Variants in FBN3 observed in about 807,000 individuals in gnomAD.
FBN3 encodes fibrillin 3, also known as fibrillin-3.
In FBN3, 234 loss-of-function variants were observed where a neutral mutation model predicts 330.1. That is an observed-to-expected ratio of 0.71 (90% CI 0.64 to 0.79). The LOEUF (loss-of-function observed/expected upper bound fraction) is 0.79, where lower values mean the gene tolerates loss of function less well. FBN3 is among the 30% of genes least tolerant of loss of function. The pLI is 0.00. For synonymous variants in FBN3, 1,458 were observed against 1,517.3 expected (o/e 0.96, Z 0.91); for missense variants, 3,606 against 3,886.9 (o/e 0.93, Z 1.92).
At chr19:8,132,098 T>C (rs547956020) in intron 14 of FBN3, among the ~76,000 whole-genome samples, 4 of 152,130 alleles carry the variant, frequency 2.6e-5, no homozygotes, top group Non-Finnish European at 5.9e-5. Context: ...CAGACTGGAG[T>C]GCAGTGGCGT....
Position 8,073,168 on chromosome 19 carries a change from A to C in FBN3, c.7832T>G (p.Val2611Gly), listed in dbSNP as rs1599261290. Residue 2611 changes from valine to glycine, a missense_variant, in exon 62 of 64, where the codon GTG becomes GGG. Coordinates refer to ENST00000600128, the MANE Select transcript of FBN3 (RefSeq NM_032447.5). Reference sequence around the variant, plus strand: ...GCCACGCCGTCCGGCGCACTCATCCACCTCCTGGCAGCCCCCGAGGGCCTG... The same window carrying C: ...GCCACGCCGTCCGGCGCACTCATCCCCCTCCTGGCAGCCCCCGAGGGCCTG... ...FDQALGGCQEVDECAGRRGPC... is the reference protein window; with the variant it reads ...FDQALGGCQEGDECAGRRGPC... 4.3e-6 allele frequency: 7 copies of C among 1,613,666 alleles called. No homozygotes were observed. Among genetic ancestry groups the C allele is most frequent in the Non-Finnish European group, 5.9e-6 (7 of 1,179,942 alleles).
At position 8,109,090 on chromosome 19, in the gene FBN3, G is replaced by A; in HGVS notation, c.4618+137C>T. 1.3e-6 allele frequency: 1 copy of A among 759,424 alleles called. No individual in the cohort carries two copies. The highest frequency in any genetic ancestry group is 2.1e-6 in the Non-Finnish European group (1 of 475,912). The allele number at this position is 759,424 out of a possible 1,614,324, so 47.0% of individuals were successfully genotyped here. A position where few individuals can be genotyped will look rare whatever the true frequency, so the allele number is the denominator to read the frequency against. On this transcript the variant is annotated intron_variant, in intron 36 of 63. Coordinates refer to ENST00000600128, the MANE Select transcript of FBN3 (RefSeq NM_032447.5). The surrounding 1 kb of genome is among the most constrained non-coding windows in gnomAD (Gnocchi z 5.2). ...AGACGTACACTGTGTGACCCAGGAT[G>A]AGCCCCTCTCCTCCCCCAGTTCTTG...
chr19:8,106,721 G>A (rs1050081346), intron 37 of FBN3, among the ~76,000 whole-genome samples: 16 of 135,920 alleles, frequency 1.2e-4, no homozygotes, highest in African/African-American at 4.1e-4. Context: ...GAGTGAATGG[G>A]TGGATAAGTG....
chr19:8,103,350 T>A (rs2082369469), intron 39 of FBN3, among the ~76,000 whole-genome samples: 1 of 151,924 alleles, frequency 6.6e-6, no homozygotes. Flanking sequence ...TCCATTCACT[T>A]TTTTCAGCCT....
At chr19:8,110,434 C>T (rs568256861) in intron 34 of FBN3, among the ~76,000 whole-genome samples, 74 of 152,306 alleles carry the variant, frequency 4.9e-4, no homozygotes, top group African/African-American at 1.8e-3. Context: ...CGGTCCACCA[C>T]CTGTTTGTGT....
chr19:8,084,520 G>C (rs2081889820), intron 56 of FBN3, among the ~76,000 whole-genome samples: 1 of 151,980 alleles, frequency 6.6e-6, no homozygotes, highest in Non-Finnish European at 1.5e-5. Context: ...GGCCATGGGA[G>C]AGCCAGCCTC....
intron 13 of FBN3, 25 bp downstream of exon 13, chr19:8,135,936 G>GGGGGGGC: frequency 1.5e-6 from 1 of 668,776 alleles, no homozygotes; most frequent in Non-Finnish European, 2.4e-6. Flanking sequence ...GGAAGCCCCT[G>GGGGGGGC]CCCACCCGCC....
intron 52 of FBN3, 33 bp from the exon 53 acceptor site, chr19:8,087,980 G>A (rs150819886): frequency 1.2e-6 from 2 of 1,614,110 alleles, no homozygotes; most frequent in African/African-American, 1.3e-5. Context: ...CAGCTGGGTA[G>A]GGACTGAGGG....
At position 8,108,108 on chromosome 19, in the gene FBN3, G is replaced by A. The variant is rs564686886; in HGVS notation, c.4687+62C>T. 6.9e-6 allele frequency: 10 copies of A among 1,451,234 alleles called. No individual in the cohort carries two copies. In the African/African-American group the frequency reaches 9.8e-5, roughly 14 times the overall value. The allele number at this position is 1,451,234 out of a possible 1,614,324, so 89.9% of individuals were successfully genotyped here. A position where few individuals can be genotyped will look rare whatever the true frequency, so the allele number is the denominator to read the frequency against. ...CTCAACTCTACACTTTGGTGAGGTG[G>A]GGATGAGAGAAAAGTCAGTCTCTAG... On this transcript the variant is annotated intron_variant, in intron 37 of 63. Transcript: ENST00000600128.
intron 24 of FBN3, 124 bp downstream of exon 24, chr19:8,123,340 G>A: frequency 2.7e-6 from 3 of 1,108,482 alleles, no homozygotes; most frequent in Non-Finnish European, 3.8e-6. Context: ...GATAACAAGA[G>A]TAAAACTCCG....
At chr19:8,090,607 C>A (rs1326649701) in intron 48 of FBN3, among the ~76,000 whole-genome samples, 2 of 152,000 alleles carry the variant, frequency 1.3e-5, no homozygotes, top group Non-Finnish European at 2.9e-5. Flanking sequence ...CCTCAGCCTC[C>A]CAAGTAGCTG....
At chr19:8,095,340 G>T (rs1192207979) in intron 46 of FBN3, 35 bp downstream of exon 46, 1 of 1,599,556 alleles carries the variant, frequency 6.3e-7, no homozygotes, top group Non-Finnish European at 8.5e-7. Context: ...GCAGGGGCTG[G>T]CTGAGATGCC....
At chr19:8,120,632 T>C (rs1200211667) in intron 25 of FBN3, among the ~76,000 whole-genome samples, 2 of 151,868 alleles carry the variant, frequency 1.3e-5, no homozygotes, top group Non-Finnish European at 2.9e-5. Context: ...CGCGCCACCA[T>C]GCCTAGCTAA....
intron 61 of FBN3, chr19:8,074,755 G>A (rs549055544): frequency 5.1e-5 from 15 of 294,688 alleles, no homozygotes; most frequent in African/African-American, 8.7e-5. Flanking sequence ...AATCACACTC[G>A]TGGCAGACAT....
rs923585161 is a variant in FBN3 at position 8,102,773 on chromosome 19, A to C, written c.5040T>G (p.Ile1680Met). 2 of 1,614,114 alleles carry C rather than the reference A, an allele frequency of 1.2e-6. No homozygotes were observed. The highest frequency in any genetic ancestry group is 4.5e-5 in the East Asian group (2 of 44,878). Residue 1680 changes from isoleucine (I) to methionine (M), a missense_variant, in exon 40 of 64, where the codon ATT becomes ATG. Ile to Met is a conservative substitution (Grantham distance 10). Coordinates refer to ENST00000600128, the MANE Select transcript of FBN3 (RefSeq NM_032447.5). ...TRKMCCCSYN[I>M]GQAWNRPCEA... ...CACAGGGTCTATTCCAGGCCTGGCCAATGTTGTAGGAGCAGCAACACATTT... is the reference window on the plus strand; with the variant it reads ...CACAGGGTCTATTCCAGGCCTGGCCCATGTTGTAGGAGCAGCAACACATTT...
intron 63 of FBN3, among the ~76,000 whole-genome samples, chr19:8,068,143 T>G (rs1854784542): frequency 6.6e-6 from 1 of 151,996 alleles, no homozygotes; most frequent in African/African-American, 2.4e-5. Context: ...TCCCAGCACT[T>G]TGGGAGGCTC....
At chr19:8,135,936 G>GGGGGGGGGGGGGCGCCCCCCCCCCCC in intron 13 of FBN3, 25 bp downstream of exon 13, 3 of 668,764 alleles carry the variant, frequency 4.5e-6, no homozygotes, top group Non-Finnish European at 7.2e-6. Context: ...GGAAGCCCCT[G>GGGGGGGGGGGGGCGCCCCCCCCCCCC]CCCACCCGCC....
chr19:8,116,630 A>G (rs372284555), intron 29 of FBN3, 44 bp downstream of exon 29: 21 of 1,579,798 alleles, frequency 1.3e-5, no homozygotes, highest in Non-Finnish European at 1.5e-5. Context: ...GAATTCTGAC[A>G]CTGCCTCCTC....
chr19:8,134,134 C>G (rs1038009707), intron 13 of FBN3, among the ~76,000 whole-genome samples: 8 of 151,504 alleles, frequency 5.3e-5, no homozygotes, highest in Middle Eastern at 3.4e-3. Context: ...CCCAGTTACT[C>G]GGGAGGCTGA....
Sources: gnomAD v4.1 joint callset for allele counts (sites outside exome capture counted in the v4.1 genomes callset) on GRCh38, gnomAD v4.1.1 for gene constraint, Gnocchi (gnomAD v3.1) non-coding constraint, MANE v1.5 for transcripts, NCBI Gene and HGNC (gene_info 2026-07-23, HGNC 2026-07-21) for gene names.